USP1: variants seen among roughly 807,000 people sequenced by gnomAD.
The protein encoded by USP1 is ubiquitin carboxyl-terminal hydrolase 1.
Under a neutral mutation model 72.2 loss-of-function variants are expected in USP1, and 18 were observed. That is an observed-to-expected ratio of 0.25 (90% CI 0.17 to 0.37). USP1 has a LOEUF of 0.37. USP1 is among the 10% of genes least tolerant of loss of function. The pLI, the probability that USP1 is intolerant of heterozygous loss-of-function variation, is 1.00. For synonymous variants in USP1, 354 were observed against 303.7 expected (o/e 1.17, Z -1.72); for missense variants, 759 against 884.9 (o/e 0.86, Z 1.81).
Position 62,437,054 on chromosome 1 carries a change from C to A in USP1, c.-416C>A, listed in dbSNP as rs1284827847. 5.0e-6 allele frequency: 2 copies of A among 398,640 alleles called. No individual in the cohort carries two copies. Among genetic ancestry groups the A allele is most frequent in the Non-Finnish European group, 4.4e-6 (1 of 225,892 alleles). 24.7% of individuals were successfully genotyped at this position (398,640 alleles called of 1,614,324 possible). The stretch of plus-strand genomic sequence containing the variant: ...ACGGGGGTCCTGAGACTGAGGAAAA[C>A]GCGCCAAGTTCCCCTCGGTGGCGGA... On this transcript the variant is annotated 5_prime_UTR_variant, in exon 1 of 9. Transcript: ENST00000339950.
In USP1 at chr1:62,445,042, A is replaced by G. The variant is rs767395755; in HGVS notation, c.862A>G (p.Lys288Glu). The change falls in exon 6 of 9, where the codon AAG becomes GAG. Residue 288 changes from lysine (K) to glutamate (E), a missense_variant. Physicochemically the swap from Lys to Glu is moderately conservative, Grantham distance 56. This residue lies in a region of USP1 where 245 missense variants were observed against 240.7 expected (regional missense o/e 1.02). Transcript: ENST00000339950. Reference protein sequence around the residue: ...GNMKKKVKLSKEHQSLEENQR... With the variant: ...GNMKKKVKLSEEHQSLEENQR... ...CATGAAGAAAAAAGTTAAATTATCC[A>G]AGGAACACCAGTCATTGGAAGAGAA... The G allele has an allele frequency of 1.1e-5, 18 of 1,613,102 alleles. No homozygotes were observed. Among genetic ancestry groups the G allele is most frequent in the African/African-American group, 1.3e-5 (1 of 74,810 alleles).
intron 4 of USP1, 74 bp from the exon 5 acceptor site, chr1:62,443,085 T>G: frequency 6.8e-7 from 1 of 1,475,984 alleles, no homozygotes; most frequent in Non-Finnish European, 9.1e-7. Flanking sequence ...TATTCTTAAG[T>G]GAGACAAAGA....
rs1192991741 is a variant in USP1, at chr1:62,441,600, A to G, written c.283A>G (p.Ile95Val). ...CGGCAATACTTGCTATCTTAATAGT[A>G]TACTTCAGGTAAATTGACAATTTTG... ...NLGNTCYLNSILQVLYFCPGF... is the reference protein window; with the variant it reads ...NLGNTCYLNSVLQVLYFCPGF... Residue 95 changes from isoleucine to valine, a missense_variant, in exon 3 of 9, where the codon ATA becomes GTA. Ile to Val is a conservative substitution (Grantham distance 29). Transcript: ENST00000339950. The G allele has an allele frequency of 3.1e-6, 5 of 1,607,066 alleles. No individual in the cohort carries two copies. Among genetic ancestry groups the G allele is most frequent in the East Asian group, 4.5e-5 (2 of 44,726 alleles).
At position 62,445,353 on chromosome 1, in the gene USP1, T is replaced by C. The variant is rs775931808; in HGVS notation, c.1173T>C (p.Thr391=). 230 of 1,610,478 alleles carry C rather than the reference T, an allele frequency of 1.4e-4. No homozygotes were observed. Among genetic ancestry groups the C allele is most frequent in the Non-Finnish European group, 1.9e-4 (228 of 1,179,024 alleles). The change falls in exon 6 of 9, where the codon ACT becomes ACC. Residue 391 remains threonine, a synonymous_variant. Coordinates refer to ENST00000339950, the MANE Select transcript of USP1 (RefSeq NM_003368.5). ...GGAAGTGTGAAAGTGATAACACAAC[T>C]AATGGTTGTGGACTTGAATCTCCAG... ...DLGKCESDNT[T]NGCGLESPGN... is the part of the protein sequence containing the mutation.
rs1645158434 is a variant in USP1 at position 62,444,821 on chromosome 1, C to T, written c.641C>T (p.Thr214Ile). The part of the protein sequence containing the change: ...LQCILGNIQE[T>I]CQLLKKEEVK... Reference sequence around the variant, plus strand: ...TGTATTTTGGGAAACATTCAAGAAACATGCCAACTCCTAAAAAAAGAAGAA... The same window carrying T: ...TGTATTTTGGGAAACATTCAAGAAATATGCCAACTCCTAAAAAAAGAAGAA... Residue 214 changes from threonine to isoleucine, a missense_variant, in exon 6 of 9, where the codon ACA (threonine) becomes ATA (isoleucine). Physicochemically the swap from Thr to Ile is moderately conservative, Grantham distance 89. Around this residue, in one of 9 missense-constraint regions of USP1, gnomAD observed 245 missense variants for 240.7 expected, o/e 1.02. Transcript: ENST00000339950. 3.1e-6 allele frequency: 5 copies of T among 1,613,206 alleles called. No homozygotes were observed. In the East Asian group the frequency reaches 1.1e-4, roughly 36 times the overall value.
intron 2 of USP1, among the ~76,000 whole-genome samples, chr1:62,440,352 G>A (rs1214982594): frequency 6.7e-6 from 1 of 148,572 alleles, no homozygotes; most frequent in Admixed American, 6.7e-5. Context: ...TCTGTGTAGG[G>A]GTAAAAGGTT....
intron 4 of USP1, among the ~76,000 whole-genome samples, chr1:62,442,549 A>G (rs1038852809): frequency 3.3e-5 from 5 of 152,190 alleles, no homozygotes; most frequent in Non-Finnish European, 4.4e-5. Context: ...ACTGTATACT[A>G]TAATCACAAT....
rs34521477 is a variant in USP1 at position 62,442,212 on chromosome 1, C to T, written c.309C>T (p.Pro103=). Residue 103 remains proline (P), a synonymous_variant, in exon 4 of 9, where the codon CCC becomes CCT. Transcript: ENST00000339950. ...TTTTATAGGTATTATATTTTTGTCC[C>T]GGTTTTAAATCTGGAGTAAAGCACT... is the stretch of plus-strand genomic sequence containing the variant. ...NSILQVLYFC[P]GFKSGVKHLF... is the part of the protein sequence containing the mutation. 2.5e-6 allele frequency: 4 copies of T among 1,594,246 alleles called. No homozygotes were observed. The highest frequency in any genetic ancestry group is 3.4e-5 in the Admixed American group (2 of 58,898).
chr1:62,451,769 A>G lies in USP1; in HGVS notation c.*788A>G, dbSNP rs1645224001. ...GAATATTTGAATTTTTTACTTGTAT[A>G]TTTTTATAAATACAGCTGAGTTTTC... is the stretch of plus-strand genomic sequence containing the variant. On this transcript the variant is annotated 3_prime_UTR_variant, in exon 9 of 9. Coordinates refer to ENST00000339950, the MANE Select transcript of USP1 (RefSeq NM_003368.5). The G allele has an allele frequency of 6.6e-6, 1 of 152,534 alleles. No homozygotes were observed. Among genetic ancestry groups the G allele is most frequent in the African/African-American group, 2.4e-5 (1 of 41,390 alleles). The allele number at this position is 152,534 out of a possible 1,614,324, so 9.4% of individuals were successfully genotyped here.
intron 2 of USP1, 53 bp from the exon 3 acceptor site, chr1:62,441,435 C>T (rs1047304852): frequency 4.0e-6 from 6 of 1,486,140 alleles, no homozygotes; most frequent in Admixed American, 4.8e-5. Context: ...GTAATATTTT[C>T]ACCTTGTTTC....
intron 3 of USP1, among the ~76,000 whole-genome samples, chr1:62,441,868 C>G (rs1232906522): frequency 6.6e-6 from 1 of 152,178 alleles, no homozygotes; most frequent in African/African-American, 2.4e-5. Context: ...ATTTCTTTCT[C>G]TGATTCCTGG....
At position 62,443,173 on chromosome 1, in the gene USP1, A is replaced by T; in HGVS notation, c.411A>T (p.Glu137Asp). ...ANQKDKGNCK[E>D]DSLASYELIC... ...TTTCTTGACAGGGAAATTGCAAAGAAGATTCTTTGGCAAGTTATGAATTGA... is the reference window on the plus strand; with the variant it reads ...TTTCTTGACAGGGAAATTGCAAAGATGATTCTTTGGCAAGTTATGAATTGA... Residue 137 changes from glutamate (E) to aspartate (D), a missense_variant, in exon 5 of 9, where the codon GAA becomes GAT. By Grantham distance (45) the Glu-to-Asp change is conservative. Transcript: ENST00000339950. The T allele has an allele frequency of 6.2e-7, 1 of 1,609,484 alleles. No homozygotes were observed. Among genetic ancestry groups the T allele is most frequent in the Non-Finnish European group, 8.5e-7 (1 of 1,178,794 alleles).
Position 62,437,255 on chromosome 1 carries a change from C to G in USP1, c.-215C>G, listed in dbSNP as rs1645095510. On this transcript the variant is annotated 5_prime_UTR_variant, in exon 1 of 9. Coordinates refer to ENST00000339950, the MANE Select transcript of USP1 (RefSeq NM_003368.5). ...CGCTCTTGGGAGCGGATGGTCACTC[C>G]CCCGCGGGGAGGGCGAGCCGACCAG... 2.5e-6 allele frequency: 1 copy of G among 398,136 alleles called. No individual in the cohort carries two copies. The highest frequency in any genetic ancestry group is 2.1e-5 in the African/African-American group (1 of 48,628). The allele number at this position is 398,136 out of a possible 1,614,324, so 24.7% of individuals were successfully genotyped here.
intron 1 of USP1, among the ~76,000 whole-genome samples, chr1:62,438,290 C>A (rs1448017479): frequency 1.3e-5 from 2 of 152,120 alleles, no homozygotes; most frequent in Non-Finnish European, 2.9e-5. Flanking sequence ...TTATCAGAAT[C>A]ATTAATGCTT....
chr1:62,446,698 T>A (rs1383123141), intron 6 of USP1, among the ~76,000 whole-genome samples: 1 of 152,256 alleles, frequency 6.6e-6, no homozygotes. Context: ...GGAAAATGTG[T>A]AATATTGATA....
At chr1:62,443,103 G>C in intron 4 of USP1, 56 bp from the exon 5 acceptor site, 1 of 1,549,072 alleles carries the variant, frequency 6.5e-7, no homozygotes, top group South Asian at 1.2e-5. Flanking sequence ...AGACAAAGGG[G>C]GAAGGTACTT....
chr1:62,443,154 G>T lies in USP1; in HGVS notation c.397-5G>T. On this transcript the variant is annotated splice_region_variant and splice_polypyrimidine_tract_variant and intron_variant, in intron 4 of 8. Transcript: ENST00000339950. Reference sequence around the variant, plus strand: ...TTATTGGTTTGTGTGTTTCTTTCTTGACAGGGAAATTGCAAAGAAGATTCT... The same window carrying T: ...TTATTGGTTTGTGTGTTTCTTTCTTTACAGGGAAATTGCAAAGAAGATTCT... The T allele has an allele frequency of 6.2e-7, 1 of 1,606,288 alleles. No homozygotes were observed. The highest frequency in any genetic ancestry group is 1.1e-5 in the South Asian group (1 of 89,310).
rs918324398 is a variant in USP1, at chr1:62,451,534, GT to G, written c.*555del. On this transcript the variant is annotated 3_prime_UTR_variant, in exon 9 of 9. Coordinates refer to ENST00000339950, the MANE Select transcript of USP1 (RefSeq NM_003368.5). ...AGAAGTGTCTCAGAAAACCTGGACA[GT>G]TCGCTTCTACACAAGAATTTTATAT... 4 of 152,626 alleles carry G rather than the reference GT, an allele frequency of 2.6e-5. No individual in the cohort carries two copies. Among genetic ancestry groups the G allele is most frequent in the African/African-American group, 9.7e-5 (4 of 41,416 alleles). 9.5% of individuals were successfully genotyped at this position (152,626 alleles called of 1,614,324 possible).
intron 6 of USP1, among the ~76,000 whole-genome samples, chr1:62,446,931 C>T (rs1337812542): frequency 6.6e-6 from 1 of 152,146 alleles, no homozygotes; most frequent in Non-Finnish European, 1.5e-5. Context: ...CCTCCTGCCT[C>T]AGCCTCCCGA....
Sources: allele counts gnomAD v4.1 joint callset (sites outside exome capture counted in the v4.1 genomes callset), GRCh38; gene constraint gnomAD v4.1.1; regional missense constraint gnomAD v4.1.1; transcripts MANE v1.5; gene names NCBI Gene and HGNC (gene_info 2026-07-23, HGNC 2026-07-21).